The following FAT1 variants were observed in gnomAD, a reference collection of about 807,000 sequenced individuals.
The protein encoded by FAT1 is protocadherin Fat 1.
In FAT1, 171 loss-of-function variants were observed where a neutral mutation model predicts 329.8. The ratio of observed to expected loss-of-function variants is 0.52; its 90% CI spans 0.46 to 0.59. The LOEUF (loss-of-function observed/expected upper bound fraction) is 0.59, where lower values mean the gene tolerates loss of function less well. FAT1 is among the 20% of genes least tolerant of loss of function. The pLI, the probability that FAT1 is intolerant of heterozygous loss-of-function variation, is 0.00. For missense variants in FAT1, 5,672 were observed against 5,774.4 expected, an observed-to-expected ratio of 0.98 and a Z score of 0.57; for synonymous variants, 2,233 against 2,228.6, an observed-to-expected ratio of 1.00 and a Z score of -0.06.
rs192793369 is a variant in FAT1 at position 186,696,613 on chromosome 4, T to C, written c.3265+9950A>G. ...ATAAAGAGGCAAGTAAAAAAATTAA[T>C]AGAAAGCTAAAAGCAAACCAGGACC... On this transcript the variant is annotated intron_variant, in intron 2 of 26. Transcript: ENST00000441802. Among the ~76,000 whole-genome samples, 1,179 of 152,236 alleles carry C rather than the reference T, an allele frequency of 7.7e-3. 18 individuals are homozygous for C. The highest frequency in any genetic ancestry group is 0.028 in the African/African-American group (1,151 of 41,524).
chr4:186,630,324 C>T (rs147355713), intron 7 of FAT1, among the ~76,000 whole-genome samples: 57 of 152,192 alleles, frequency 3.7e-4, no homozygotes, highest in African/African-American at 1.1e-3. Context: ...GGAAGGGCTG[C>T]GTCAACGACA....
At chr4:186,681,335 T>C (rs1009723328) in intron 2 of FAT1, among the ~76,000 whole-genome samples, 4 of 152,244 alleles carry the variant, frequency 2.6e-5, no homozygotes, top group Non-Finnish European at 5.9e-5. Context: ...ATTTAATCTA[T>C]TGAATCTATT....
chr4:186,643,473 C>A (rs190623482), intron 3 of FAT1, among the ~76,000 whole-genome samples: 3 of 152,094 alleles, frequency 2.0e-5, no homozygotes, highest in Non-Finnish European at 4.4e-5. Context: ...AGAGAGAGGC[C>A]GTGCATGAGT....
At chr4:186,611,856 C>T (rs1336625225) in intron 13 of FAT1, 81 bp from the exon 14 acceptor site, 8 of 1,098,442 alleles carry the variant, frequency 7.3e-6, no homozygotes, top group Middle Eastern at 2.9e-4. Context: ...TGGAGTCTCC[C>T]TCTGTCGCCC....
At chr4:186,597,944 T>G in intron 23 of FAT1, 28 bp downstream of exon 23, 1 of 1,587,546 alleles carries the variant, frequency 6.3e-7, no homozygotes. Flanking sequence ...CTACAATTGA[T>G]TATGAAAGTT....
chr4:186,592,642 G>A (rs928148244), intron 26 of FAT1: 6 of 454,060 alleles, frequency 1.3e-5, no homozygotes, highest in East Asian at 7.0e-5. Context: ...CGAGCTCTAC[G>A]ACACGGCTGC....
At chr4:186,718,069 G>A (rs556719054) in intron 1 of FAT1, among the ~76,000 whole-genome samples, 8 of 152,244 alleles carry the variant, frequency 5.3e-5, no homozygotes, top group South Asian at 2.1e-4. Flanking sequence ...TATTTTATAC[G>A]TTGAATTGGG....
At position 186,621,266 on chromosome 4, in the gene FAT1, T is replaced by C. The variant is rs532008780; in HGVS notation, c.5320A>G (p.Ile1774Val). 7.5e-5 allele frequency: 121 copies of C among 1,614,060 alleles called. No individual in the cohort carries two copies. In the Middle Eastern group the frequency reaches 1.5e-3, roughly 20 times the overall value. Residue 1774 changes from isoleucine (I) to valine (V), a missense_variant, in exon 10 of 27, where the codon ATT (isoleucine) becomes GTT (valine). Physicochemically the swap from Ile to Val is conservative, Grantham distance 29 (BLOSUM62 3). Transcript: ENST00000441802. ...VFMQAEYTGLISESASINSVV... is the reference protein window; with the variant it reads ...VFMQAEYTGLVSESASINSVV... ...CTGTTAATTGAGGCTGATTCACTAATGAGTCCTGTATATTCTGCCTGCATA... is the reference window on the plus strand; with the variant it reads ...CTGTTAATTGAGGCTGATTCACTAACGAGTCCTGTATATTCTGCCTGCATA...
intron 26 of FAT1, among the ~76,000 whole-genome samples, chr4:186,595,020 G>C (rs1437932757): frequency 6.6e-6 from 1 of 152,056 alleles, no homozygotes; most frequent in African/African-American, 2.4e-5. Context: ...CTACTGGTAT[G>C]TGTTAATATG....
rs1173562313 is a variant in FAT1 at position 186,609,534 on chromosome 4, A to C, written c.10069-214T>G. On this transcript the variant is annotated intron_variant, in intron 15 of 26. Transcript: ENST00000441802. ...TGGGTTCACACCATTCACCTGTCTC[A>C]GCCTCCCGAGTAGCTGGGACTACAG... is the stretch of plus-strand genomic sequence containing the variant. Among the ~76,000 whole-genome samples the C allele has an allele frequency of 2.0e-5, 3 of 152,048 alleles. No individual in the cohort carries two copies. In the East Asian group the frequency reaches 5.8e-4, roughly 29 times the overall value.
chr4:186,624,527 A>C (rs1740203157), intron 9 of FAT1, among the ~76,000 whole-genome samples: 1 of 152,194 alleles, frequency 6.6e-6, no homozygotes, highest in African/African-American at 2.4e-5. Flanking sequence ...CTAATAATCT[A>C]CTTTTTTAAA....
chr4:186,597,313 G>GT, intron 24 of FAT1, 142 bp from the exon 25 acceptor site: 1 of 914,896 alleles, frequency 1.1e-6, no homozygotes. Context: ...ACTAAAAAAT[G>GT]TAACGTCGAC....
intron 2 of FAT1, among the ~76,000 whole-genome samples, chr4:186,699,169 TAAG>T (rs1323010890): frequency 6.6e-6 from 1 of 152,140 alleles, no homozygotes; most frequent in Non-Finnish European, 1.5e-5. Context: ...TGATGATGAT[TAAG>T]AAGAAAAAGC....
In FAT1 at chr4:186,621,414, G is replaced by C. The variant is rs2126525057; in HGVS notation, c.5172C>G (p.Ala1724=). The change falls in exon 10 of 27, where the codon GCC becomes GCG. Residue 1724 remains alanine, a synonymous_variant. Coordinates refer to ENST00000441802, the MANE Select transcript of FAT1 (RefSeq NM_005245.4). ...PHSGTIITQK[A]LDFETLPIYT... is the part of the protein sequence containing the mutation. The stretch of plus-strand genomic sequence containing the variant: ...AAATGGGCAAAGTTTCAAAGTCCAG[G>C]GCTTTCTGAGTGATGATAGTTCCAG... 6.2e-7 allele frequency: 1 copy of C among 1,613,934 alleles called. No homozygotes were observed. Among genetic ancestry groups the C allele is most frequent in the Non-Finnish European group, 8.5e-7 (1 of 1,179,896 alleles).
chr4:186,650,924 CAG>C (rs1186824656), intron 3 of FAT1, among the ~76,000 whole-genome samples: 1 of 152,004 alleles, frequency 6.6e-6, no homozygotes, highest in African/African-American at 2.4e-5. Context: ...GCATGGAAAA[CAG>C]AGAGGGCAAC....
rs962851718 is a variant in FAT1 at position 186,663,606 on chromosome 4, T to C, written c.3273A>G (p.Ile1091Met). Residue 1091 changes from isoleucine to methionine, a missense_variant, in exon 3 of 27, where the codon ATA (isoleucine) becomes ATG (methionine). Physicochemically the swap from Ile to Met is conservative, Grantham distance 10. Around this residue, in one of 2 missense-constraint regions of FAT1, gnomAD observed 3,966 missense variants for 3,915.2 expected, o/e 1.01. Transcript: ENST00000441802. Reference protein sequence around the residue: ...VFKIGEETGVIETSDRLDRES... With the variant: ...VFKIGEETGVMETSDRLDRES... Reference sequence around the variant, plus strand: ...CACGGTCCAGTCGATCTGACGTCTCTATGACACCTACAGAGAAAAAAGAAA... The same window carrying C: ...CACGGTCCAGTCGATCTGACGTCTCCATGACACCTACAGAGAAAAAAGAAA... The C allele has an allele frequency of 5.6e-6, 9 of 1,605,772 alleles. No individual in the cohort carries two copies. Among genetic ancestry groups the C allele is most frequent in the Non-Finnish European group, 7.6e-6 (9 of 1,178,646 alleles).
intron 2 of FAT1, among the ~76,000 whole-genome samples, chr4:186,706,121 T>C (rs1238179709): frequency 1.3e-5 from 2 of 152,156 alleles, no homozygotes; most frequent in Non-Finnish European, 2.9e-5. Flanking sequence ...TGGGTAACTT[T>C]GCCGGTGTGC....
At chr4:186,696,258 C>G (rs1244673967) in intron 2 of FAT1, among the ~76,000 whole-genome samples, 3 of 152,226 alleles carry the variant, frequency 2.0e-5, no homozygotes. Flanking sequence ...TTTCCATCTT[C>G]TAAATGAGCT....
chr4:186,607,931 C>T (rs906145892), intron 16 of FAT1, among the ~76,000 whole-genome samples: 1 of 152,162 alleles, frequency 6.6e-6, no homozygotes, highest in Non-Finnish European at 1.5e-5. Flanking sequence ...TAGGGTTTTC[C>T]AGTCTCTAAA....
Sources: gnomAD v4.1 joint callset for allele counts (sites outside exome capture counted in the v4.1 genomes callset) on GRCh38, gnomAD v4.1.1 for gene constraint, gnomAD v4.1.1 regional missense constraint, MANE v1.5 for transcripts, NCBI Gene and HGNC (gene_info 2026-07-23, HGNC 2026-07-21) for gene names.